Variants in HMGCS1 observed in about 807,000 individuals in gnomAD.
HMGCS1 encodes the protein 3-hydroxy-3-methylglutaryl-CoA synthase 1.
In HMGCS1, 9 loss-of-function variants were observed where a neutral mutation model predicts 52.3. The ratio of observed to expected loss-of-function variants is 0.17; its 90% CI spans 0.10 to 0.30. The LOEUF is 0.30. HMGCS1 is among the 10% of genes least tolerant of loss of function. HMGCS1 has a pLI of 1.00. For missense variants in HMGCS1, 320 were observed against 620.9 expected (o/e 0.52, Z 5.15); for synonymous variants, 176 against 214.4 (o/e 0.82, Z 1.57).
intron 1 of HMGCS1, among the ~76,000 whole-genome samples, chr5:43,311,063 G>A (rs56114604): frequency 0.45 from 68,615 of 151,964 alleles, 16,247 homozygotes; most frequent in Middle Eastern, 0.61. Context: ...GGTGGCTCAC[G>A]CCTGTAATCT....
chr5:43,308,191 G>A (rs924896648), intron 1 of HMGCS1, among the ~76,000 whole-genome samples: 1 of 152,212 alleles, frequency 6.6e-6, no homozygotes, highest in Non-Finnish European at 1.5e-5. Context: ...GTTGTAATGA[G>A]TTAGCAAATT....
chr5:43,290,919 T>G lies in HMGCS1; in HGVS notation c.*212A>C. 2.0e-6 allele frequency: 1 copy of G among 503,652 alleles called. No individual in the cohort carries two copies. Among genetic ancestry groups the G allele is most frequent in the Non-Finnish European group, 3.6e-6 (1 of 280,126 alleles). 31.2% of individuals were successfully genotyped at this position (503,652 alleles called of 1,614,324 possible). A position where few individuals can be genotyped will look rare whatever the true frequency, so the allele number is the denominator to read the frequency against. The stretch of plus-strand genomic sequence containing the variant: ...AACATCATTCGAGTACATTTGGCAT[T>G]GGCCAGACCACAACAGGAAGCATGT... On this transcript the variant is annotated 3_prime_UTR_variant, in exon 11 of 11. Coordinates refer to ENST00000325110, the MANE Select transcript of HMGCS1 (RefSeq NM_001098272.3).
intron 1 of HMGCS1, among the ~76,000 whole-genome samples, chr5:43,311,246 G>T (rs1754848592): frequency 6.6e-6 from 1 of 151,592 alleles, no homozygotes; most frequent in African/African-American, 2.4e-5. Flanking sequence ...AGAATCACTG[G>T]GAGGCATAAG....
At chr5:43,291,759 T>C (rs1241940089) in intron 10 of HMGCS1, among the ~76,000 whole-genome samples, 11 of 152,076 alleles carry the variant, frequency 7.2e-5, no homozygotes, top group Non-Finnish European at 1.2e-4. Flanking sequence ...TAAGAAAACG[T>C]AAGTAAAGTG....
chr5:43,304,346 A>T (rs1392512414), intron 2 of HMGCS1, among the ~76,000 whole-genome samples: 1 of 152,232 alleles, frequency 6.6e-6, no homozygotes, highest in Non-Finnish European at 1.5e-5. Flanking sequence ...AGTGGTTTTT[A>T]ACACTATTGG....
chr5:43,294,588 T>G, intron 7 of HMGCS1, 103 bp downstream of exon 7: 1 of 797,932 alleles, frequency 1.3e-6, no homozygotes, highest in South Asian at 2.2e-5. Flanking sequence ...AAGATAAAAT[T>G]TTCTGTGATC....
At chr5:43,294,616 A>T in intron 7 of HMGCS1, 75 bp downstream of exon 7, 2 of 1,101,998 alleles carry the variant, frequency 1.8e-6, no homozygotes, top group South Asian at 1.7e-5. Context: ...AACATGCTTG[A>T]CACTAGATTT....
At chr5:43,306,378 T>C (rs1359201691) in intron 2 of HMGCS1, among the ~76,000 whole-genome samples, 3 of 152,178 alleles carry the variant, frequency 2.0e-5, no homozygotes, top group African/African-American at 7.2e-5. Flanking sequence ...AATGGCTGTG[T>C]TGGGGAAGGA....
intron 2 of HMGCS1, among the ~76,000 whole-genome samples, chr5:43,302,492 A>G (rs1754369122): frequency 6.6e-6 from 1 of 152,158 alleles, no homozygotes; most frequent in African/African-American, 2.4e-5. Context: ...CTACATCATC[A>G]TACTTCGTCA....
In HMGCS1 at chr5:43,292,513, A is replaced by G; in HGVS notation, c.1434T>C (p.Asp478=). ...RRPTPNDDTL[D]EGVGLVHSNI... ...TTGAATGCACAAGTCCTACTCCTTC[A>G]TCCAAAGTGTCATCATTTGGAGTGG... Residue 478 remains aspartate, a synonymous_variant, in exon 10 of 11, where the codon GAT becomes GAC. Coordinates refer to ENST00000325110, the MANE Select transcript of HMGCS1 (RefSeq NM_001098272.3). The G allele has an allele frequency of 2.5e-6, 4 of 1,613,898 alleles. No homozygotes were observed. The highest frequency in any genetic ancestry group is 3.4e-6 in the Non-Finnish European group (4 of 1,179,862).
intron 4 of HMGCS1, 103 bp from the exon 5 acceptor site, chr5:43,297,269 T>C: frequency 1.1e-6 from 1 of 932,952 alleles, no homozygotes; most frequent in Admixed American, 2.4e-5. Flanking sequence ...AACTATCTGA[T>C]CAATTCTCAC....
rs201643339 is a variant in HMGCS1 at position 43,297,187 on chromosome 5, G to C, written c.575-21C>G. The C allele has an allele frequency of 2.5e-6, 4 of 1,600,256 alleles. No individual in the cohort carries two copies. In the Admixed American group the frequency reaches 6.8e-5, roughly 27 times the overall value. On this transcript the variant is annotated intron_variant, in intron 4 of 10. Transcript: ENST00000325110. ...AAGCCCTATTAGAACCAAAAAGGAA[G>C]ATGTCTATATATTTCTGCTTCTTGA...
chr5:43,304,595 T>C (rs1024642052), intron 2 of HMGCS1, among the ~76,000 whole-genome samples: 1 of 152,254 alleles, frequency 6.6e-6, no homozygotes, highest in Non-Finnish European at 1.5e-5. Context: ...ATTCTTTGTA[T>C]TATAGTACTC....
At chr5:43,292,010 T>C (rs1462694659) in intron 10 of HMGCS1, among the ~76,000 whole-genome samples, 24 of 115,038 alleles carry the variant, frequency 2.1e-4, no homozygotes, top group African/African-American at 7.9e-4. Flanking sequence ...TTTTTTTTTT[T>C]TGAGATGGAA....
chr5:43,292,487 T>C lies in HMGCS1; in HGVS notation c.1460A>G (p.Asn487Ser). The C allele has an allele frequency of 6.2e-7, 1 of 1,613,838 alleles. No individual in the cohort carries two copies. The highest frequency in any genetic ancestry group is 8.5e-7 in the Non-Finnish European group (1 of 1,179,788). ...LDEGVGLVHS[N>S]IATEHIPSPA... is the part of the protein sequence containing the mutation. ...TCTTTTATTTACCTCAGTTGCTATG[T>C]TTGAATGCACAAGTCCTACTCCTTC... is the stretch of plus-strand genomic sequence containing the variant. The change falls in exon 10 of 11, where the codon AAC (asparagine) becomes AGC (serine). Residue 487 changes from asparagine to serine, a missense_variant. Transcript: ENST00000325110.
At position 43,295,033 on chromosome 5, in the gene HMGCS1, T is replaced by C. The variant is rs367807866; in HGVS notation, c.906-172A>G. On this transcript the variant is annotated intron_variant, in intron 6 of 10. Transcript: ENST00000325110. ...ATAGAAATCATAACAGTTGTATATA[T>C]ATGGTTCTTTTTCTCAAAAGTTTTC... Among the ~76,000 whole-genome samples, 4 of 152,218 alleles carry C rather than the reference T, an allele frequency of 2.6e-5. No homozygotes were observed. In the East Asian group the frequency reaches 5.8e-4, roughly 22 times the overall value.
intron 6 of HMGCS1, among the ~76,000 whole-genome samples, chr5:43,295,523 T>C (rs1342700961): frequency 6.6e-6 from 1 of 152,138 alleles, no homozygotes; most frequent in East Asian, 1.9e-4. Context: ...TGAATGGAGC[T>C]GAAAGAAATA....
At chr5:43,301,893 T>C (rs1209688520) in intron 2 of HMGCS1, among the ~76,000 whole-genome samples, 2 of 152,190 alleles carry the variant, frequency 1.3e-5, no homozygotes, top group Non-Finnish European at 2.9e-5. Flanking sequence ...CCTCAAGTGT[T>C]TTATGACTTG....
At chr5:43,297,370 T>C (rs1180365688) in intron 4 of HMGCS1, among the ~76,000 whole-genome samples, 1 of 152,224 alleles carries the variant, frequency 6.6e-6, no homozygotes, top group Non-Finnish European at 1.5e-5. Context: ...TCCTTTGGTA[T>C]ACAACTTTCC....
Sources: gnomAD v4.1 joint callset for allele counts (sites outside exome capture counted in the v4.1 genomes callset) on GRCh38, gnomAD v4.1.1 for gene constraint, MANE v1.5 for transcripts, NCBI Gene and HGNC (gene_info 2026-07-23, HGNC 2026-07-21) for gene names.